EVI5L: variants seen among roughly 807,000 people sequenced by gnomAD.
The protein encoded by EVI5L is EVI5-like protein.
A neutral mutation model predicts 106.1 loss-of-function variants in EVI5L; 30 were observed. That is an observed-to-expected ratio of 0.28 (90% confidence interval 0.21 to 0.38). The LOEUF (loss-of-function observed/expected upper bound fraction) is 0.38, where lower values mean the gene tolerates loss of function less well. Among genes scored for constraint, EVI5L ranks in the 10% least tolerant of loss-of-function variants. EVI5L has a pLI of 1.00. For synonymous variants in EVI5L, 489 were observed against 483.3 expected (o/e 1.01, Z -0.15); for missense variants, 809 against 1,098.0 (o/e 0.74, Z 3.72).
intron 1 of EVI5L, among the ~76,000 whole-genome samples, chr19:7,832,339 C>G (rs1978297109): frequency 6.6e-6 from 1 of 152,152 alleles, no homozygotes; most frequent in African/African-American, 2.4e-5. Flanking sequence ...GGGCACTGTG[C>G]GTCTGGGGTC....
chr19:7,846,163 T>C (rs1357860590), intron 1 of EVI5L, among the ~76,000 whole-genome samples: 1 of 152,200 alleles, frequency 6.6e-6, no homozygotes, highest in African/African-American at 2.4e-5. Context: ...AGGGAGCCTC[T>C]GCTCCGGGCC....
At chr19:7,846,739 A>G in intron 2 of EVI5L, 60 bp downstream of exon 2, 3 of 1,569,306 alleles carry the variant, frequency 1.9e-6, no homozygotes, top group Non-Finnish European at 1.7e-6. Context: ...CCCCCACAGG[A>G]GTTCCCAGGT....
chr19:7,843,804 AAG>A (rs1170194359), intron 1 of EVI5L, among the ~76,000 whole-genome samples: 8 of 151,866 alleles, frequency 5.3e-5, no homozygotes, highest in African/African-American at 1.9e-4. Flanking sequence ...GGTGGCTGTG[AAG>A]AGTGTGAGAG....
Position 7,863,011 on chromosome 19 carries a change from G to T in EVI5L, c.1987G>T (p.Asp663Tyr), listed in dbSNP as rs972711723. ...GATGGCTGTGCGACTGCGGGAGGCG[G>T]ACAGCATGGCTGCGGTGGCCGAGAT... ...EVMAVRLREA[D>Y]SMAAVAEMRQ... is the part of the protein sequence containing the mutation. The change falls in exon 18 of 20, where the codon GAC becomes TAC. Residue 663 changes from aspartate (D) to tyrosine (Y), a missense_variant. By Grantham distance (160) the Asp-to-Tyr change is radical (BLOSUM62 -3). This residue lies in a region of EVI5L where 452 missense variants were observed against 509.9 expected (regional missense o/e 0.89). Coordinates refer to ENST00000538904, the MANE Select transcript of EVI5L (RefSeq NM_001159944.3). The surrounding 1 kb of genome is among the most constrained non-coding windows in gnomAD (Gnocchi z 7.7). The T allele has an allele frequency of 6.3e-7, 1 of 1,581,974 alleles. No individual in the cohort carries two copies.
In EVI5L at chr19:7,861,913, G is replaced by C; in HGVS notation, c.1539G>C (p.Ala513=). The C allele has an allele frequency of 3.2e-6, 5 of 1,550,856 alleles. No homozygotes were observed. The South Asian group carries it at 5.9e-5, about 18-fold the overall frequency. The change falls in exon 15 of 20, where the codon GCG becomes GCC. Residue 513 remains alanine (A), a synonymous_variant. Coordinates refer to ENST00000538904, the MANE Select transcript of EVI5L (RefSeq NM_001159944.3). The part of the protein sequence containing the change: ...NSSLPDENNV[A]QLQEELKALK... ...CGCTGCCCGACGAGAACAATGTGGC[G>C]CAGCTGCAGGAGGAGCTGAAGGCGC...
At chr19:7,855,977 G>A in intron 10 of EVI5L, 38 bp from the exon 11 acceptor site, 1 of 1,321,464 alleles carries the variant, frequency 7.6e-7, no homozygotes, top group Non-Finnish European at 9.7e-7. Context: ...ACAGGCGTGG[G>A]GGGCGGGCTA....
chr19:7,863,750 C>T lies in EVI5L; in HGVS notation c.*48C>T, dbSNP rs1338967442. 6 of 1,424,376 alleles carry T rather than the reference C, an allele frequency of 4.2e-6. No homozygotes were observed. The highest frequency in any genetic ancestry group is 2.9e-5 in the Admixed American group (1 of 34,840). 88.2% of individuals were successfully genotyped at this position (1,424,376 alleles called of 1,614,324 possible). A position where few individuals can be genotyped will look rare whatever the true frequency, so the allele number is the denominator to read the frequency against. Reference sequence around the variant, plus strand: ...GTCAGGAGGCCGCAGCCGCGGGGGGCGCCCGGGCAGTCCGCGTTCTGCTCC... The same window carrying T: ...GTCAGGAGGCCGCAGCCGCGGGGGGTGCCCGGGCAGTCCGCGTTCTGCTCC... On this transcript the variant is annotated 3_prime_UTR_variant, in exon 20 of 20. Transcript: ENST00000538904. The surrounding 1 kb of genome is among the most constrained non-coding windows in gnomAD (Gnocchi z 7.7).
At position 7,863,863 on chromosome 19, in the gene EVI5L, T is replaced by A. The variant is rs966780017; in HGVS notation, c.*161T>A. 28 of 1,044,630 alleles carry A rather than the reference T, an allele frequency of 2.7e-5. No individual in the cohort carries two copies. The highest frequency in any genetic ancestry group is 1.7e-5 in the African/African-American group (1 of 58,904). The allele number at this position is 1,044,630 out of a possible 1,614,324, so 64.7% of individuals were successfully genotyped here. ...CGGCGAGGCAGCGCAGAGGGTAGGG[T>A]CCGACCTGGGCTCCTCAGGGCCCCG... is the stretch of plus-strand genomic sequence containing the variant. On this transcript the variant is annotated 3_prime_UTR_variant, in exon 20 of 20. Transcript: ENST00000538904. The surrounding 1 kb of genome is among the most constrained non-coding windows in gnomAD (Gnocchi z 7.7).
intron 1 of EVI5L, among the ~76,000 whole-genome samples, chr19:7,832,594 G>C (rs1267180949): frequency 6.6e-6 from 1 of 152,170 alleles, no homozygotes; most frequent in Admixed American, 6.5e-5. Flanking sequence ...GGGACAGCAA[G>C]GTCTCGGAGG....
chr19:7,849,219 C>T (rs370838507), intron 4 of EVI5L, 37 bp from the exon 5 acceptor site: 65 of 1,613,622 alleles, frequency 4.0e-5, no homozygotes, highest in East Asian at 3.6e-4. Context: ...CTGTGCTGGA[C>T]GGCGGGACCC....
At chr19:7,862,919 A>C in intron 17 of EVI5L, 53 bp from the exon 18 acceptor site, 6 of 1,103,518 alleles carry the variant, frequency 5.4e-6, no homozygotes, top group South Asian at 1.4e-5. Context: ...CCGCCCCCTG[A>C]TGCGCCGCGC....
At chr19:7,843,477 G>T (rs1176522375) in intron 1 of EVI5L, among the ~76,000 whole-genome samples, 1 of 137,472 alleles carries the variant, frequency 7.3e-6, no homozygotes, top group Non-Finnish European at 1.5e-5. Flanking sequence ...AATAGGCATG[G>T]GTGTGTCAAG....
chr19:7,863,597 G>A lies in EVI5L; in HGVS notation c.2313G>A (p.Ala771=), dbSNP rs1006967216. ...DALYPLSPRD[A]RFFRRLERPA... ...TGTACCCTCTGTCCCCGCGCGATGCGCGCTTCTTCCGCCGTCTGGAGCGGC... is the reference window on the plus strand; with the variant it reads ...TGTACCCTCTGTCCCCGCGCGATGCACGCTTCTTCCGCCGTCTGGAGCGGC... The change falls in exon 20 of 20, where the codon GCG becomes GCA. Residue 771 remains alanine, a synonymous_variant. Transcript: ENST00000538904. This position sits in a 1 kb window ranked among gnomAD's most constrained non-coding sequence, Gnocchi z 7.7. 8.2e-6 allele frequency: 13 copies of A among 1,581,302 alleles called. No homozygotes were observed. Among genetic ancestry groups the A allele is most frequent in the South Asian group, 5.8e-5 (5 of 86,856 alleles).
rs769794726 is a variant in EVI5L, at chr19:7,863,185, A to T, written c.2044A>T (p.Arg682Trp). The change falls in exon 19 of 20, where the codon AGG becomes TGG. Residue 682 changes from arginine (R) to tryptophan (W), a missense_variant and splice_region_variant. Physicochemically the swap from Arg to Trp is moderately radical, Grantham distance 101. Coordinates refer to ENST00000538904, the MANE Select transcript of EVI5L (RefSeq NM_001159944.3). The surrounding 1 kb of genome is among the most constrained non-coding windows in gnomAD (Gnocchi z 7.7). Reference sequence around the variant, plus strand: ...CCGCGTGACCTGGCGCACCCCGCAGAGGGAGGAAGGCCGCATCCAGGGCCA... The same window carrying T: ...CCGCGTGACCTGGCGCACCCCGCAGTGGGAGGAAGGCCGCATCCAGGGCCA... ...RQRIAELEIQ[R>W]EEGRIQGQLN... is the part of the protein sequence containing the mutation. 1.3e-5 allele frequency: 20 copies of T among 1,555,022 alleles called. No individual in the cohort carries two copies. Among genetic ancestry groups the T allele is most frequent in the Non-Finnish European group, 1.6e-5 (18 of 1,149,662 alleles).
At position 7,857,252 on chromosome 19, in the gene EVI5L, C is replaced by G. The variant is rs1487877968; in HGVS notation, c.1233+128C>G. ...AGGCCTGGCGCCATGCATGGAGCAG[C>G]TGGGGACCGCTTCTGGGGGACACAG... On this transcript the variant is annotated intron_variant, in intron 12 of 19. Coordinates refer to ENST00000538904, the MANE Select transcript of EVI5L (RefSeq NM_001159944.3). The surrounding 1 kb of genome is among the most constrained non-coding windows in gnomAD (Gnocchi z 4.5). 8 of 1,279,130 alleles carry G rather than the reference C, an allele frequency of 6.3e-6. No individual in the cohort carries two copies. The highest frequency in any genetic ancestry group is 6.0e-5 in the Admixed American group (3 of 50,250). 79.2% of individuals were successfully genotyped at this position (1,279,130 alleles called of 1,614,324 possible). A position where few individuals can be genotyped will look rare whatever the true frequency, so the allele number is the denominator to read the frequency against.
At chr19:7,838,133 G>C (rs1042352291) in intron 1 of EVI5L, among the ~76,000 whole-genome samples, 29 of 151,400 alleles carry the variant, frequency 1.9e-4, no homozygotes, top group African/African-American at 6.8e-4. Context: ...TTTTGAGACG[G>C]AGTCTCGCTC....
intron 1 of EVI5L, among the ~76,000 whole-genome samples, chr19:7,843,723 C>T (rs1427112056): frequency 6.6e-6 from 1 of 151,600 alleles, no homozygotes; most frequent in Admixed American, 6.6e-5. Context: ...CAAGTGTTTG[C>T]ATGTGTATGT....
intron 14 of EVI5L, among the ~76,000 whole-genome samples, chr19:7,861,541 T>C (rs1979799244): frequency 6.6e-6 from 1 of 152,194 alleles, no homozygotes; most frequent in South Asian, 2.1e-4. Flanking sequence ...AGACAGGGTG[T>C]TTCTGCTGGG....
chr19:7,851,554 G>A lies in EVI5L; in HGVS notation c.874G>A (p.Val292Ile). ...CTTCCCACTCCCCGTCGCCACCCGG[G>A]TCTTTGACATCTTCATGTATGAGGT... The part of the protein sequence containing the change: ...TTFPLPVATR[V>I]FDIFMYEGLE... The change falls in exon 7 of 20, where the codon GTC (valine) becomes ATC (isoleucine). Residue 292 changes from valine to isoleucine, a missense_variant. Transcript: ENST00000538904. 1 of 1,612,648 alleles carries A rather than the reference G, an allele frequency of 6.2e-7. No homozygotes were observed. Among genetic ancestry groups the A allele is most frequent in the Non-Finnish European group, 8.5e-7 (1 of 1,179,402 alleles).
Sources: gnomAD v4.1 joint callset for allele counts (sites outside exome capture counted in the v4.1 genomes callset) on GRCh38, gnomAD v4.1.1 for gene constraint, gnomAD v4.1.1 regional missense constraint, Gnocchi (gnomAD v3.1) non-coding constraint, MANE v1.5 for transcripts, NCBI Gene and HGNC (gene_info 2026-07-23, HGNC 2026-07-21) for gene names.